Variants in NPRL3 observed in about 807,000 individuals in gnomAD.
NPRL3 encodes the protein NPR3 like, GATOR1 complex subunit.
In NPRL3, 23 loss-of-function variants were observed where a neutral mutation model predicts 57.2. The ratio of observed to expected loss-of-function variants is 0.40; its 90% CI spans 0.29 to 0.57. The LOEUF is 0.57. Among genes scored for constraint, NPRL3 ranks in the 20% least tolerant of loss-of-function variants. The pLI, the probability that NPRL3 is intolerant of heterozygous loss-of-function variation, is 0.42. For synonymous variants in NPRL3, 333 were observed against 321.1 expected (o/e 1.04, Z -0.39); for missense variants, 691 against 767.1 (o/e 0.90, Z 1.17).
At chr16:131,579 C>CA (rs1900798811) in intron 2 of NPRL3, among the ~76,000 whole-genome samples, 1 of 113,950 alleles carries the variant, frequency 8.8e-6, no homozygotes, top group Non-Finnish European at 1.6e-5. Context: ...GCCTGGGTGA[C>CA]AGAGTGAGAC....
At chr16:88,928 C>T in intron 12 of NPRL3, 38 bp from the exon 13 acceptor site, 1 of 1,580,330 alleles carries the variant, frequency 6.3e-7, no homozygotes, top group South Asian at 1.1e-5. Flanking sequence ...AAGTGGAATT[C>T]CAGGACACCC....
At chr16:127,677 C>T (rs7201217) in intron 3 of NPRL3, among the ~76,000 whole-genome samples, 9,042 of 143,778 alleles carry the variant, frequency 0.063, 465 homozygotes, top group African/African-American at 0.14. Context: ...TTTTTTGAGA[C>T]GGAGTCTCAC....
chr16:115,781 C>G (rs951082873), intron 5 of NPRL3, among the ~76,000 whole-genome samples: 1 of 152,204 alleles, frequency 6.6e-6, no homozygotes, highest in Non-Finnish European at 1.5e-5. Flanking sequence ...CATTTGTGCT[C>G]GGCTCCGGTT....
At chr16:91,325 C>G (rs753733198) in intron 11 of NPRL3, among the ~76,000 whole-genome samples, 1 of 152,186 alleles carries the variant, frequency 6.6e-6, no homozygotes, top group Non-Finnish European at 1.5e-5. Context: ...TTGCAGTGAG[C>G]CGAGATCATG....
Position 86,616 on chromosome 16 carries a change from GCTCAGC to G in NPRL3, c.*83_*88del. On this transcript the variant is annotated 3_prime_UTR_variant, in exon 14 of 14. Coordinates refer to ENST00000611875, the MANE Select transcript of NPRL3 (RefSeq NM_001077350.3). ...AATGCCAGGCCTCAGGGCCAAGAGG[GCTCAGC>G]CTCAGCACGGGGGGAGCCCTGGGGT... is the stretch of plus-strand genomic sequence containing the variant. The G allele has an allele frequency of 7.4e-7, 1 of 1,355,950 alleles. No homozygotes were observed. Among genetic ancestry groups the G allele is most frequent in the South Asian group, 1.4e-5 (1 of 73,020 alleles). 84.0% of individuals were successfully genotyped at this position (1,355,950 alleles called of 1,614,324 possible). A position where few individuals can be genotyped will look rare whatever the true frequency, so the allele number is the denominator to read the frequency against.
At chr16:129,075 A>C (rs1163876232) in intron 3 of NPRL3, among the ~76,000 whole-genome samples, 1 of 152,234 alleles carries the variant, frequency 6.6e-6, no homozygotes, top group Non-Finnish European at 1.5e-5. Flanking sequence ...TAAATATTAA[A>C]TTAATTCCCT....
chr16:85,653 C>T lies in NPRL3; in HGVS notation c.*1052G>A, dbSNP rs769193. The T allele has an allele frequency of 8.1e-5, 129 of 1,588,822 alleles. No homozygotes were observed. In the East Asian group the frequency reaches 2.9e-3, roughly 36 times the overall value. ...GAGCCCAGTGAGCCGGCTGTAGTGG[C>T]AGCAGCCCGGGTGGGCGTCGGCCAT... On this transcript the variant is annotated 3_prime_UTR_variant, in exon 14 of 14. Coordinates refer to ENST00000611875, the MANE Select transcript of NPRL3 (RefSeq NM_001077350.3).
intron 5 of NPRL3, among the ~76,000 whole-genome samples, chr16:116,765 C>T (rs1446111400): frequency 6.7e-6 from 1 of 148,306 alleles, no homozygotes; most frequent in Non-Finnish European, 1.5e-5. Flanking sequence ...GAGTTCAAGA[C>T]CAGCATGGCC....
intron 7 of NPRL3, among the ~76,000 whole-genome samples, chr16:110,191 C>A (rs932945493): frequency 3.9e-5 from 6 of 152,156 alleles, no homozygotes; most frequent in Non-Finnish European, 5.9e-5. Context: ...ATCTCTTAAA[C>A]CCAGGAGGCA....
Position 85,738 on chromosome 16 carries a change from T to C in NPRL3, c.*967A>G. 2 of 1,517,806 alleles carry C rather than the reference T, an allele frequency of 1.3e-6. No individual in the cohort carries two copies. Among genetic ancestry groups the C allele is most frequent in the Non-Finnish European group, 1.8e-6 (2 of 1,131,680 alleles). 94.0% of individuals were successfully genotyped at this position (1,517,806 alleles called of 1,614,324 possible). ...ATGTCCGGGGCAGCCCCTGGGTCAG[T>C]GTGGTCGACAGAGTGGCTGAGCAGG... On this transcript the variant is annotated 3_prime_UTR_variant, in exon 14 of 14. Transcript: ENST00000611875.
At chr16:106,063 C>A (rs1899513983) in intron 7 of NPRL3, among the ~76,000 whole-genome samples, 1 of 152,210 alleles carries the variant, frequency 6.6e-6, no homozygotes, top group Non-Finnish European at 1.5e-5. Flanking sequence ...GTAGTCCTAG[C>A]ACTTTGGGAG....
chr16:95,344 T>TAC (rs1188043170), intron 9 of NPRL3, among the ~76,000 whole-genome samples: 1,202 of 59,270 alleles, frequency 0.02, 12 homozygotes, highest in Non-Finnish European at 0.036. Context: ...TATATATATA[T>TAC]ATATATACAC....
intron 11 of NPRL3, among the ~76,000 whole-genome samples, chr16:92,328 C>G (rs752489559): frequency 2.6e-5 from 4 of 152,188 alleles, no homozygotes; most frequent in African/African-American, 7.2e-5. Flanking sequence ...GGTTCTAACA[C>G]TAAAAACTGC....
intron 3 of NPRL3, among the ~76,000 whole-genome samples, chr16:122,417 C>G (rs1384929793): frequency 1.3e-5 from 2 of 152,160 alleles, no homozygotes; most frequent in African/African-American, 4.8e-5. Context: ...TTTATATAGT[C>G]TGTCTGGTAA....
intron 3 of NPRL3, chr16:123,531 G>A (rs1180030369): frequency 2.1e-6 from 1 of 471,112 alleles, no homozygotes; most frequent in Non-Finnish European, 4.4e-6. Flanking sequence ...CTCATCGGTT[G>A]GAGGACATGG....
In NPRL3 at chr16:93,253, CGTT is replaced by C. The variant is rs1555440242; in HGVS notation, c.994_996del (p.Asn332del). The C allele has an allele frequency of 1.3e-6, 2 of 1,559,140 alleles. No individual in the cohort carries two copies. The highest frequency in any genetic ancestry group is 1.9e-5 in the Admixed American group (1 of 51,684). ...CTGGCATTGGGAGACAGCATGTAGA[CGTT>C]GTTCTCACACAGCGGGTAGATGATG... On this transcript the variant is annotated inframe_deletion, in exon 10 of 14. Transcript: ENST00000611875.
chr16:134,684 A>AATTATT lies in NPRL3; in HGVS notation c.118+3460_118+3465dup, dbSNP rs201304972. Among the ~76,000 whole-genome samples the AATTATT allele has an allele frequency of 3.5e-3, 421 of 118,620 alleles. 11 individuals carry two copies. Among genetic ancestry groups the AATTATT allele is most frequent in the Middle Eastern group, 9.1e-3 (2 of 220 alleles). The allele number at this position is 118,620 out of a possible 152,430, so 77.8% of individuals were successfully genotyped here. On this transcript the variant is annotated intron_variant, in intron 2 of 13. Coordinates refer to ENST00000611875, the MANE Select transcript of NPRL3 (RefSeq NM_001077350.3). ...GGATAGTATAACATAAAGTCACAGT[A>AATTATT]ATTATTATTATTTTTTTTTTTTTTT...
chr16:115,029 G>A (rs1011306319), intron 5 of NPRL3, among the ~76,000 whole-genome samples: 6 of 151,532 alleles, frequency 4.0e-5, no homozygotes, highest in Admixed American at 6.6e-5. Flanking sequence ...AAGCTGGAGT[G>A]CAGCAGATGA....
chr16:132,573 T>C (rs1567149183), intron 2 of NPRL3, among the ~76,000 whole-genome samples: 1 of 152,342 alleles, frequency 6.6e-6, no homozygotes, highest in African/African-American at 2.4e-5. Context: ...GCATCTATAA[T>C]GGCACATGCT....
Sources: allele counts gnomAD v4.1 joint callset (sites outside exome capture counted in the v4.1 genomes callset), GRCh38; gene constraint gnomAD v4.1.1; transcripts MANE v1.5; gene names NCBI Gene and HGNC (gene_info 2026-07-23, HGNC 2026-07-21).